The following EXOC3 variants were observed in gnomAD, a reference collection of about 807,000 sequenced individuals.
The protein encoded by EXOC3 is SEC6-like 1.
Under a neutral mutation model 73.7 loss-of-function variants are expected in EXOC3, and 21 were observed. That is an observed-to-expected ratio of 0.29 (90% CI 0.20 to 0.41). The LOEUF (loss-of-function observed/expected upper bound fraction) is 0.41, where lower values mean the gene tolerates loss of function less well. EXOC3 is among the 10% of genes least tolerant of loss of function. The probability of loss-of-function intolerance (pLI) is 1.00; values close to 1 mark genes in which losing one functional copy is unlikely to be tolerated. For missense variants in EXOC3, 842 were observed against 985.1 expected, an observed-to-expected ratio of 0.85 and a Z score of 1.95; for synonymous variants, 410 against 389.1, an observed-to-expected ratio of 1.05 and a Z score of -0.63.
chr5:456,838 C>G, intron 4 of EXOC3, 51 bp from the exon 5 acceptor site: 4 of 1,372,902 alleles, frequency 2.9e-6, no homozygotes, highest in Non-Finnish European at 3.1e-6. Flanking sequence ...CTTGGGCATG[C>G]TCTTCTGTGT....
chr5:449,166 T>C (rs570807561), intron 3 of EXOC3, among the ~76,000 whole-genome samples: 2 of 152,360 alleles, frequency 1.3e-5, no homozygotes, highest in South Asian at 2.1e-4. Context: ...CTGCGTGGTA[T>C]GCATGTTTTT....
chr5:446,375 G>C (rs1266053396), intron 2 of EXOC3, 26 bp downstream of exon 2: 1 of 1,563,730 alleles, frequency 6.4e-7, no homozygotes. Flanking sequence ...CCACTCCCAG[G>C]ATCTGTCTTG....
Position 465,719 on chromosome 5 carries a change from G to A in EXOC3, c.1940G>A (p.Gly647Asp). 6.2e-7 allele frequency: 1 copy of A among 1,613,840 alleles called. No homozygotes were observed. The highest frequency in any genetic ancestry group is 8.5e-7 in the Non-Finnish European group (1 of 1,179,866). Residue 647 changes from glycine (G) to aspartate (D), a missense_variant and splice_region_variant, in exon 12 of 13, where the codon GGT becomes GAT. Transcript: ENST00000512944. ...CCTCACATTGCTGCTGCCTTCCAGG[G>A]TTTCGGGGAAGACGTGGACGGATAC... ...LRFLFRKLASGFGEDVDGYCD... is the reference protein window; with the variant it reads ...LRFLFRKLASDFGEDVDGYCD...
rs531739375 is a variant in EXOC3, at chr5:464,346, C to T, written c.1710C>T (p.Asp570=). 3 of 1,613,482 alleles carry T rather than the reference C, an allele frequency of 1.9e-6. No homozygotes were observed. The highest frequency in any genetic ancestry group is 2.7e-5 in the African/African-American group (2 of 75,046). ...KKWLLGSNAV[D]IICVTVEDYF... The stretch of plus-strand genomic sequence containing the variant: ...GGCTATTAGGGTCAAACGCTGTAGA[C>T]ATTATCTGTGTCACCGTGGAAGACT... Residue 570 remains aspartate (D), a synonymous_variant, in exon 10 of 13, where the codon GAC becomes GAT. Coordinates refer to ENST00000512944, the MANE Select transcript of EXOC3 (RefSeq NM_007277.5).
intron 1 of EXOC3, among the ~76,000 whole-genome samples, chr5:443,851 C>G (rs1737423888): frequency 6.6e-6 from 1 of 152,050 alleles, no homozygotes; most frequent in East Asian, 1.9e-4. Context: ...GGTGTCCCCC[C>G]TCGGACCAGG....
intron 1 of EXOC3, among the ~76,000 whole-genome samples, chr5:444,617 T>C (rs1437906036): frequency 1.1e-5 from 1 of 93,712 alleles, no homozygotes; most frequent in Non-Finnish European, 3.3e-5. Flanking sequence ...AGCAGTGGAA[T>C]CTTAGCTTTA....
chr5:449,207 G>C (rs1194052218), intron 3 of EXOC3, among the ~76,000 whole-genome samples: 1 of 152,214 alleles, frequency 6.6e-6, no homozygotes. Flanking sequence ...TGAGAAGATT[G>C]GTTTGGTTGC....
chr5:466,742 T>C lies in EXOC3; in HGVS notation c.2082T>C (p.Gly694=), dbSNP rs1738163755. Residue 694 remains glycine (G), a synonymous_variant, in exon 13 of 13, where the codon GGT becomes GGC. Coordinates refer to ENST00000512944, the MANE Select transcript of EXOC3 (RefSeq NM_007277.5). ...CCATCCCCAGGGATGACCACATCGG[T>C]GCGCTGCTGGCTGTGCGTGGGGACG... ...KYPDIRDDHI[G]ALLAVRGDAS... is the part of the protein sequence containing the mutation. The C allele has an allele frequency of 1.2e-6, 2 of 1,612,776 alleles. No individual in the cohort carries two copies. The highest frequency in any genetic ancestry group is 1.7e-6 in the Non-Finnish European group (2 of 1,179,650).
intron 3 of EXOC3, among the ~76,000 whole-genome samples, chr5:452,756 A>G (rs930518469): frequency 4.6e-5 from 7 of 152,254 alleles, no homozygotes; most frequent in African/African-American, 7.2e-5. Context: ...TTCTGAGCCT[A>G]TGCCTTTGCC....
chr5:460,319 C>A (rs969960478), intron 7 of EXOC3, among the ~76,000 whole-genome samples: 2 of 151,736 alleles, frequency 1.3e-5, no homozygotes, highest in Non-Finnish European at 2.9e-5. Flanking sequence ...GTCCCTCAGC[C>A]TCCTCCTCAG....
intron 10 of EXOC3, chr5:464,725 C>G: frequency 2.4e-6 from 1 of 408,254 alleles, no homozygotes; most frequent in Non-Finnish European, 4.5e-6. Context: ...CCGCTTCAGA[C>G]CCTCCTTCCT....
At chr5:466,344 G>A (rs1167329171) in intron 12 of EXOC3, 2 of 252,808 alleles carry the variant, frequency 7.9e-6, no homozygotes, top group Non-Finnish European at 1.5e-5. Context: ...GCCAGCCTTT[G>A]CGGCCCCTGT....
At chr5:460,218 C>T (rs1007591820) in intron 7 of EXOC3, among the ~76,000 whole-genome samples, 3 of 152,210 alleles carry the variant, frequency 2.0e-5, no homozygotes, top group African/African-American at 2.4e-5. Context: ...TGGACTGCAT[C>T]GCATGAGGGC....
At chr5:455,604 G>A (rs531124771) in intron 4 of EXOC3, among the ~76,000 whole-genome samples, 12 of 76,336 alleles carry the variant, frequency 1.6e-4, no homozygotes, top group African/African-American at 3.9e-4. Flanking sequence ...AGCATGAGGC[G>A]TGTGAGTTGA....
intron 3 of EXOC3, among the ~76,000 whole-genome samples, chr5:450,900 A>C (rs111434436): frequency 6.6e-6 from 1 of 151,414 alleles, no homozygotes; most frequent in Non-Finnish European, 1.5e-5. Flanking sequence ...TTTACTTTCA[A>C]CCTATTTGTG....
chr5:454,695 G>A (rs755048727), intron 4 of EXOC3, among the ~76,000 whole-genome samples: 1 of 152,132 alleles, frequency 6.6e-6, no homozygotes, highest in Non-Finnish European at 1.5e-5. Context: ...ATGGTGCAGT[G>A]GTGGGGGTAT....
intron 12 of EXOC3, 132 bp from the exon 13 acceptor site, chr5:466,595 G>T: frequency 1.3e-6 from 1 of 760,462 alleles, no homozygotes. Context: ...AAAAGGGAAA[G>T]GTGCAATTTG....
At chr5:459,510 T>A in intron 7 of EXOC3, 51 bp downstream of exon 7, 1 of 1,075,982 alleles carries the variant, frequency 9.3e-7, no homozygotes, top group Admixed American at 2.9e-5. Flanking sequence ...TTTTTAAAAA[T>A]TAGAAGCAAA....
At chr5:456,418 T>G (rs1242921723) in intron 4 of EXOC3, among the ~76,000 whole-genome samples, 2 of 152,012 alleles carry the variant, frequency 1.3e-5, no homozygotes, top group Non-Finnish European at 2.9e-5. Context: ...GCTTGTCGTT[T>G]TGACTGAGTA....
Sources: gnomAD v4.1 joint callset for allele counts (sites outside exome capture counted in the v4.1 genomes callset) on GRCh38, gnomAD v4.1.1 for gene constraint, MANE v1.5 for transcripts, NCBI Gene and HGNC (gene_info 2026-07-23, HGNC 2026-07-21) for gene names.